Variants in PIWIL2 observed in about 807,000 individuals in gnomAD.
PIWIL2 encodes the protein piwi-like protein 2.
In PIWIL2, 81 loss-of-function variants were observed where a neutral mutation model predicts 116.5. The ratio of observed to expected loss-of-function variants is 0.70; its 90% confidence interval spans 0.58 to 0.84. PIWIL2 has a LOEUF of 0.84. PIWIL2 is among the 40% of genes least tolerant of loss of function. PIWIL2 has a pLI of 0.00. For missense variants in PIWIL2, 1,272 were observed against 1,212.3 expected, an observed-to-expected ratio of 1.05 and a Z score of -0.73; for synonymous variants, 489 against 429.5, an observed-to-expected ratio of 1.14 and a Z score of -1.71.
At position 22,289,932 on chromosome 8, in the gene PIWIL2, G is replaced by A. The variant is rs745377619; in HGVS notation, c.1067+5G>A. ...TATGGTACTACAGCAACACAGGTTG[G>A]TACTTTTTTCCCTTCCCTCACTTTT... On this transcript the variant is annotated splice_donor_5th_base_variant and intron_variant, in intron 9 of 22. Transcript: ENST00000356766. The A allele has an allele frequency of 6.3e-7, 1 of 1,594,354 alleles. No homozygotes were observed. The highest frequency in any genetic ancestry group is 1.7e-5 in the Admixed American group (1 of 59,774).
In PIWIL2 at chr8:22,290,221, C is replaced by T. The variant is rs1350598170; in HGVS notation, c.1068-12C>T. 2.0e-6 allele frequency: 3 copies of T among 1,538,176 alleles called. No individual in the cohort carries two copies. Among genetic ancestry groups the T allele is most frequent in the East Asian group, 4.5e-5 (2 of 44,096 alleles). ...TTGAAAATCCTACAGTTGAGACCAC[C>T]TCTCTCTCCAGATTGCAGATCTGGC... On this transcript the variant is annotated splice_polypyrimidine_tract_variant and intron_variant, in intron 9 of 22. Transcript: ENST00000356766.
In PIWIL2 at chr8:22,277,026, TA is replaced by T. The variant is rs1476901108; in HGVS notation, c.-47+1629del. On this transcript the variant is annotated intron_variant, in intron 1 of 22. Coordinates refer to ENST00000356766, the MANE Select transcript of PIWIL2 (RefSeq NM_018068.5). Reference sequence around the variant, plus strand: ...TCTGTAGGTTATAAAGTGATATATATATATATATTTTTTTTTTTGAGACAGA... The same window carrying T: ...TCTGTAGGTTATAAAGTGATATATATTATATATTTTTTTTTTTGAGACAGA... 8.2e-5 allele frequency among the ~76,000 whole-genome samples: 11 copies of T among 134,502 alleles called. No homozygotes were observed. In the South Asian group the frequency reaches 9.6e-4, roughly 12 times the overall value. The allele number at this position is 134,502 out of a possible 152,430, so 88.2% of individuals were successfully genotyped here.
intron 19 of PIWIL2, among the ~76,000 whole-genome samples, chr8:22,317,405 C>T (rs1452371804): frequency 1.3e-5 from 2 of 151,972 alleles, no homozygotes; most frequent in African/African-American, 2.4e-5. Context: ...CACACACACA[C>T]ATATATATAT....
intron 10 of PIWIL2, among the ~76,000 whole-genome samples, chr8:22,298,260 TAAA>T (rs1289766520): frequency 6.9e-6 from 1 of 145,260 alleles, no homozygotes; most frequent in African/African-American, 2.5e-5. Flanking sequence ...AGACCCTATT[TAAA>T]AAAAAAAAAG....
intron 20 of PIWIL2, among the ~76,000 whole-genome samples, chr8:22,331,906 G>C (rs1831871065): frequency 1.3e-5 from 2 of 152,054 alleles, no homozygotes; most frequent in Non-Finnish European, 2.9e-5. Context: ...ACATTCTGAG[G>C]TACTGGGGGT....
intron 20 of PIWIL2, among the ~76,000 whole-genome samples, chr8:22,320,922 G>C (rs1280876700): frequency 2.6e-5 from 4 of 152,124 alleles, no homozygotes; most frequent in Non-Finnish European, 5.9e-5. Flanking sequence ...AGTGCAGTCT[G>C]CTGCAAGCAC....
In PIWIL2 at chr8:22,304,199, G is replaced by C; in HGVS notation, c.1360G>C (p.Glu454Gln). 6.8e-6 allele frequency: 11 copies of C among 1,611,826 alleles called. No individual in the cohort carries two copies. The highest frequency in any genetic ancestry group is 9.3e-6 in the Non-Finnish European group (11 of 1,178,340). Residue 454 changes from glutamate (E) to glutamine (Q), a missense_variant, in exon 11 of 23, where the codon GAA becomes CAA. Transcript: ENST00000356766. ...TGATGGGAAAGAGATCACATTCTTG[G>C]AATACTACAGGTAGCAAGAAGAGAC... ...MSDGKEITFL[E>Q]YYSKNYGITV...
intron 1 of PIWIL2, among the ~76,000 whole-genome samples, chr8:22,278,959 A>G (rs1399691263): frequency 6.6e-6 from 1 of 152,180 alleles, no homozygotes; most frequent in African/African-American, 2.4e-5. Context: ...CAGGGCTCCC[A>G]CTGATTCTAC....
chr8:22,341,172 G>C (rs1325182417), intron 20 of PIWIL2, among the ~76,000 whole-genome samples: 2 of 151,982 alleles, frequency 1.3e-5, no homozygotes, highest in Non-Finnish European at 1.5e-5. Flanking sequence ...TTTTATTCCG[G>C]TTATGCAAGG....
chr8:22,331,369 T>G (rs1430905248), intron 20 of PIWIL2, among the ~76,000 whole-genome samples: 1 of 151,944 alleles, frequency 6.6e-6, no homozygotes, highest in Non-Finnish European at 1.5e-5. Flanking sequence ...CTATTTTTTT[T>G]TGTTTTCTAT....
In PIWIL2 at chr8:22,355,603, T is replaced by G; in HGVS notation, c.*98T>G. ...ACAGAGACTGAAGTGGGCTTTTGTG[T>G]TATAATTTTCCCTTTCTCCAACCCT... On this transcript the variant is annotated 3_prime_UTR_variant, in exon 23 of 23. Coordinates refer to ENST00000356766, the MANE Select transcript of PIWIL2 (RefSeq NM_018068.5). 1 of 1,116,368 alleles carries G rather than the reference T, an allele frequency of 9.0e-7. No individual in the cohort carries two copies. Among genetic ancestry groups the G allele is most frequent in the Non-Finnish European group, 1.3e-6 (1 of 776,060 alleles). 69.2% of individuals were successfully genotyped at this position (1,116,368 alleles called of 1,614,324 possible).
chr8:22,310,634 A>T (rs1012311083), intron 15 of PIWIL2, among the ~76,000 whole-genome samples: 7 of 151,224 alleles, frequency 4.6e-5, no homozygotes, highest in African/African-American at 1.5e-4. Flanking sequence ...TTTTAATTAA[A>T]TAGACCTGTG....
chr8:22,335,429 ATAC>A (rs1831958325), intron 20 of PIWIL2, among the ~76,000 whole-genome samples: 8 of 122 alleles, frequency 0.066, no homozygotes, highest in Non-Finnish European at 0.091. Flanking sequence ...TGGTGTGATC[ATAC>A]ATAGCTCACT....
In PIWIL2 at chr8:22,309,656, G is replaced by C. The variant is rs185184631; in HGVS notation, c.1687-305G>C. On this transcript the variant is annotated intron_variant, in intron 14 of 22. Transcript: ENST00000356766. ...GCCCGGCCCCTTTAAAATATTTTTT[G>C]AAGATTGTTTTCCTTTATTCAGTCA... Among the ~76,000 whole-genome samples the C allele has an allele frequency of 3.3e-5, 5 of 152,308 alleles. No individual in the cohort carries two copies. The East Asian group carries it at 9.6e-4, about 29-fold the overall frequency.
chr8:22,334,880 C>T (rs1448677989), intron 20 of PIWIL2, among the ~76,000 whole-genome samples: 2 of 151,988 alleles, frequency 1.3e-5, no homozygotes, highest in Non-Finnish European at 2.9e-5. Context: ...CATAGTGAAA[C>T]CTCATCTCTG....
intron 8 of PIWIL2, among the ~76,000 whole-genome samples, chr8:22,289,509 T>G (rs1330252198): frequency 6.6e-6 from 1 of 152,224 alleles, no homozygotes; most frequent in Non-Finnish European, 1.5e-5. Context: ...TAGCTCCCTT[T>G]GCCACACTGT....
At chr8:22,302,590 A>G (rs1482761158) in intron 10 of PIWIL2, among the ~76,000 whole-genome samples, 1 of 151,810 alleles carries the variant, frequency 6.6e-6, no homozygotes, top group Admixed American at 6.6e-5. Flanking sequence ...CCTTATTATC[A>G]TTTTTTAACC....
At position 22,281,446 on chromosome 8, in the gene PIWIL2, C is replaced by G. The variant is rs934314278; in HGVS notation, c.356C>G (p.Thr119Ser). ...AAGGACAGGGAGGAACTCTCTCCCA[C>G]TTTTTGGGATCCAAAAGTGTTGGCG... is the stretch of plus-strand genomic sequence containing the variant. Reference protein sequence around the residue: ...VRKDREELSPTFWDPKVLAAG... With the variant: ...VRKDREELSPSFWDPKVLAAG... Residue 119 changes from threonine to serine, a missense_variant, in exon 4 of 23, where the codon ACT becomes AGT. Thr to Ser is a moderately conservative substitution (Grantham distance 58). Transcript: ENST00000356766. 4 of 1,605,740 alleles carry G rather than the reference C, an allele frequency of 2.5e-6. No individual in the cohort carries two copies. Among genetic ancestry groups the G allele is most frequent in the Non-Finnish European group, 2.5e-6 (3 of 1,178,214 alleles).
intron 20 of PIWIL2, among the ~76,000 whole-genome samples, chr8:22,320,812 C>CA (rs1831580691): frequency 6.6e-6 from 1 of 151,868 alleles, no homozygotes; most frequent in African/African-American, 2.4e-5. Context: ...AGGCTGGTCT[C>CA]AAACTCCTGA....
Sources: allele counts gnomAD v4.1 joint callset (sites outside exome capture counted in the v4.1 genomes callset), GRCh38; gene constraint gnomAD v4.1.1; transcripts MANE v1.5; gene names NCBI Gene and HGNC (gene_info 2026-07-23, HGNC 2026-07-21).